Variants in ZNF292 observed in about 807,000 individuals in gnomAD.
ZNF292 encodes the protein zinc finger protein 292, also known as 16 zinc-finger domain protein.
ZNF292 carries 26 observed loss-of-function variants against 217.9 expected under a neutral mutation model. The ratio of observed to expected loss-of-function variants is 0.12; its 90% CI spans 0.09 to 0.17. The LOEUF is 0.17. Ranked by LOEUF, ZNF292 falls within the 10% of genes least tolerant of loss-of-function variation. The pLI, the probability that ZNF292 is intolerant of heterozygous loss-of-function variation, is 1.00. For synonymous variants in ZNF292, 1,257 were observed against 1,124.1 expected (o/e 1.12, Z -2.37); for missense variants, 2,904 against 3,175.2 (o/e 0.91, Z 2.05).
chr6:87,212,677 T>C lies in ZNF292; in HGVS notation c.169-3226T>C, dbSNP rs1772552809. On this transcript the variant is annotated intron_variant, in intron 1 of 7. Coordinates refer to ENST00000369577, the MANE Select transcript of ZNF292 (RefSeq NM_015021.3). ...AATCTTAACATCCCTTTTGATTGAA[T>C]GGTTGCATCATTGAATTCCAAATTT... 2.0e-5 allele frequency among the ~76,000 whole-genome samples: 3 copies of C among 152,226 alleles called. 1 individual carries two copies. The South Asian group carries it at 6.2e-4, about 31-fold the overall frequency.
intron 5 of ZNF292, among the ~76,000 whole-genome samples, chr6:87,242,921 T>C (rs1582487528): frequency 6.6e-6 from 1 of 152,096 alleles, no homozygotes; most frequent in East Asian, 1.9e-4. Context: ...AGAAAAATAG[T>C]GGAGATTTAT....
chr6:87,190,560 G>T (rs953674119), intron 1 of ZNF292, among the ~76,000 whole-genome samples: 1 of 152,048 alleles, frequency 6.6e-6, no homozygotes, highest in Non-Finnish European at 1.5e-5. Context: ...TGCAACCTCT[G>T]CCTCCCGGGT....
chr6:87,201,844 T>C (rs1331194377), intron 1 of ZNF292, among the ~76,000 whole-genome samples: 1 of 152,268 alleles, frequency 6.6e-6, no homozygotes, highest in Admixed American at 6.5e-5. Context: ...GAATAGTCTG[T>C]ACTTTCCTCA....
intron 7 of ZNF292, among the ~76,000 whole-genome samples, chr6:87,250,973 G>A (rs1774890164): frequency 6.6e-6 from 1 of 152,142 alleles, no homozygotes; most frequent in African/African-American, 2.4e-5. Context: ...GCAGTGCCTG[G>A]TATAAAGTAG....
At chr6:87,226,643 A>G (rs1773359677) in intron 4 of ZNF292, among the ~76,000 whole-genome samples, 1 of 112,460 alleles carries the variant, frequency 8.9e-6, no homozygotes, top group African/African-American at 4.1e-5. Context: ...ATATATCTAT[A>G]TATCTATATA....
chr6:87,239,489 G>GC (rs1379875459), intron 5 of ZNF292, among the ~76,000 whole-genome samples: 2 of 150,254 alleles, frequency 1.3e-5, no homozygotes, highest in African/African-American at 2.5e-5. Flanking sequence ...GGCGGGGGCT[G>GC]CCCCCCACCT....
At chr6:87,179,158 C>CTATGTGGCTTTT (rs767263884) in intron 1 of ZNF292, among the ~76,000 whole-genome samples, 4 of 116,352 alleles carry the variant, frequency 3.4e-5, no homozygotes, top group Non-Finnish European at 6.8e-5. Flanking sequence ...ATATATGTGG[C>CTATGTGGCTTTT]TTTTTTTTTT....
At chr6:87,195,306 C>T (rs1008232076) in intron 1 of ZNF292, among the ~76,000 whole-genome samples, 2 of 151,984 alleles carry the variant, frequency 1.3e-5, no homozygotes, top group African/African-American at 4.8e-5. Context: ...ATTAGTAGAA[C>T]AAGTAGAGAG....
At chr6:87,170,730 T>C (rs1368835956) in intron 1 of ZNF292, among the ~76,000 whole-genome samples, 1 of 152,214 alleles carries the variant, frequency 6.6e-6, no homozygotes, top group African/African-American at 2.4e-5. Flanking sequence ...GTCTTTCATA[T>C]ATAGTTTGCT....
At chr6:87,156,098 C>T (rs1163202615) in intron 1 of ZNF292, among the ~76,000 whole-genome samples, 4 of 152,030 alleles carry the variant, frequency 2.6e-5, no homozygotes, top group Non-Finnish European at 4.4e-5. Context: ...AGGTTCTCTT[C>T]CTCCTCCTCC....
rs1582526132 is a variant in ZNF292, at chr6:87,258,958, T to C, written c.5329T>C (p.Ser1777Pro). The change falls in exon 8 of 8, where the codon TCT (serine) becomes CCT (proline). Residue 1777 changes from serine to proline, a missense_variant. Ser to Pro is a moderately conservative substitution (Grantham distance 74, BLOSUM62 -1). Coordinates refer to ENST00000369577, the MANE Select transcript of ZNF292 (RefSeq NM_015021.3). ...TCAAATACTTGAGGTAAAAAGTGGA[T>C]CTCAGGGTGCTGGTGAAACTTCACA... ...NSQILEVKSG[S>P]QGAGETSQNA... 6.2e-7 allele frequency: 1 copy of C among 1,613,056 alleles called. No homozygotes were observed. Among genetic ancestry groups the C allele is most frequent in the East Asian group, 2.2e-5 (1 of 44,838 alleles).
intron 1 of ZNF292, among the ~76,000 whole-genome samples, chr6:87,208,435 C>G (rs1464509109): frequency 6.6e-6 from 1 of 151,970 alleles, no homozygotes; most frequent in Admixed American, 6.6e-5. Context: ...TCTTTTTTCT[C>G]CTATCCATAA....
intron 1 of ZNF292, among the ~76,000 whole-genome samples, chr6:87,187,714 CAAAA>C (rs10687268): frequency 3.1e-5 from 3 of 96,660 alleles, no homozygotes; most frequent in Non-Finnish European, 2.0e-5. Context: ...GACTCTGCCT[CAAAA>C]AAAAAAAAAA....
At chr6:87,155,811 G>A in intron 1 of ZNF292, 52 bp downstream of exon 1, 2 of 1,498,416 alleles carry the variant, frequency 1.3e-6, no homozygotes, top group Non-Finnish European at 1.8e-6. Flanking sequence ...AGGGGGAAGA[G>A]GGCGAGCGAG....
chr6:87,186,915 C>T (rs972515559), intron 1 of ZNF292, among the ~76,000 whole-genome samples: 2 of 152,260 alleles, frequency 1.3e-5, no homozygotes, highest in African/African-American at 2.4e-5. Flanking sequence ...ATTTTTCCTC[C>T]AACTACTCAC....
In ZNF292 at chr6:87,194,098, G is replaced by A. The variant is rs80121379; in HGVS notation, c.169-21805G>A. 6.3e-3 allele frequency among the ~76,000 whole-genome samples: 966 copies of A among 152,296 alleles called. 16 individuals carry two copies. The highest frequency in any genetic ancestry group is 0.022 in the African/African-American group (930 of 41,574). On this transcript the variant is annotated intron_variant, in intron 1 of 7. Coordinates refer to ENST00000369577, the MANE Select transcript of ZNF292 (RefSeq NM_015021.3). ...GGAGAATTGGAGCACGGGAAATTCAGTGTGGAAACTTTTTCATGTCGTATG... is the reference window on the plus strand; with the variant it reads ...GGAGAATTGGAGCACGGGAAATTCAATGTGGAAACTTTTTCATGTCGTATG...
intron 1 of ZNF292, among the ~76,000 whole-genome samples, chr6:87,162,034 T>C (rs1264870873): frequency 6.6e-6 from 1 of 152,248 alleles, no homozygotes; most frequent in Non-Finnish European, 1.5e-5. Context: ...TTCTAGTCTA[T>C]GGCTGGGTCT....
intron 1 of ZNF292, among the ~76,000 whole-genome samples, chr6:87,210,353 A>T (rs1215311417): frequency 6.6e-6 from 1 of 152,186 alleles, no homozygotes; most frequent in Non-Finnish European, 1.5e-5. Flanking sequence ...TAGGAAAAAA[A>T]GTCAAAAGTC....
In ZNF292 at chr6:87,256,783, GATA is replaced by G; in HGVS notation, c.3157_3159del (p.Asn1053del). On this transcript the variant is annotated inframe_deletion, in exon 8 of 8. Transcript: ENST00000369577. ...ACCAACTTCCAAATTTGAATGTGGA[GATA>G]ATGTTAAAACATCATCCAATCTTTA... The G allele has an allele frequency of 6.2e-7, 1 of 1,612,994 alleles. No homozygotes were observed. The highest frequency in any genetic ancestry group is 1.7e-5 in the Admixed American group (1 of 59,966).
Sources: gnomAD v4.1 joint callset for allele counts (sites outside exome capture counted in the v4.1 genomes callset) on GRCh38, gnomAD v4.1.1 for gene constraint, MANE v1.5 for transcripts, NCBI Gene and HGNC (gene_info 2026-07-23, HGNC 2026-07-21) for gene names.